ST6GALNAC4: variants seen among roughly 807,000 people sequenced by gnomAD.
ST6GALNAC4 encodes ST6 N-acetylgalactosaminide alpha-2,6-sialyltransferase 4.
ST6GALNAC4 carries 24 observed loss-of-function variants against 30.4 expected under a neutral mutation model. The ratio of observed to expected loss-of-function variants is 0.79; its 90% CI spans 0.57 to 1.11. The LOEUF (loss-of-function observed/expected upper bound fraction) is 1.11. Among genes scored for constraint, ST6GALNAC4 ranks in the 50% most tolerant of loss-of-function variants. The pLI is 0.00. For missense variants in ST6GALNAC4, 365 were observed against 430.1 expected (o/e 0.85, Z 1.34); for synonymous variants, 156 against 179.7 (o/e 0.87, Z 1.05).
Position 127,914,653 on chromosome 9 carries a change from C to T in ST6GALNAC4, c.198+3G>A, listed in dbSNP as rs1485037618. The T allele has an allele frequency of 6.2e-7, 1 of 1,605,970 alleles. No homozygotes were observed. Among genetic ancestry groups the T allele is most frequent in the Non-Finnish European group, 8.5e-7 (1 of 1,176,544 alleles). ...CCCCGGATGCATTGCCTGGCCCACT[C>T]ACCTTCCCATCTGGCACACTGCTAT... is the stretch of plus-strand genomic sequence containing the variant. On this transcript the variant is annotated splice_donor_region_variant and intron_variant, in intron 3 of 5. Transcript: ENST00000335791.
At chr9:127,910,579 C>A in intron 4 of ST6GALNAC4, 2 of 991,308 alleles carry the variant, frequency 2.0e-6, no homozygotes, top group Non-Finnish European at 1.2e-6. Context: ...ACACTGTCAG[C>A]CCAGCCCCTG....
intron 2 of ST6GALNAC4, among the ~76,000 whole-genome samples, chr9:127,915,091 T>C (rs1185889334): frequency 6.6e-6 from 1 of 151,738 alleles, no homozygotes; most frequent in African/African-American, 2.4e-5. Flanking sequence ...TGGAGTGAAG[T>C]GTGTAGTACA....
At position 127,910,820 on chromosome 9, in the gene ST6GALNAC4, A is replaced by C. The variant is rs138331451; in HGVS notation, c.612-762T>G. On this transcript the variant is annotated intron_variant, in intron 4 of 5. Coordinates refer to ENST00000335791, the MANE Select transcript of ST6GALNAC4 (RefSeq NM_175039.4). ...ACATTCCACGGAAGCACCAGATGGG[A>C]AGGGAAGGAGAAAAATAGATAAACA... Among the ~76,000 whole-genome samples, 37 of 152,282 alleles carry C rather than the reference A, an allele frequency of 2.4e-4. 2 individuals are homozygous for C. In the East Asian group the frequency reaches 7.1e-3, roughly 29 times the overall value.
At chr9:127,912,182 A>G in intron 4 of ST6GALNAC4, 86 bp downstream of exon 4, 1 of 1,501,896 alleles carries the variant, frequency 6.7e-7, no homozygotes, top group Non-Finnish European at 8.9e-7. Flanking sequence ...CGGGCCTGAC[A>G]GAGCAGCCCC....
intron 2 of ST6GALNAC4, chr9:127,916,123 C>CTGAA (rs1236540971): frequency 3.7e-6 from 2 of 547,704 alleles, no homozygotes; most frequent in Non-Finnish European, 6.5e-6. Flanking sequence ...AGCGGCTGAA[C>CTGAA]TGAACTTCAC....
chr9:127,911,325 C>T (rs757220907), intron 4 of ST6GALNAC4, among the ~76,000 whole-genome samples: 1 of 151,802 alleles, frequency 6.6e-6, no homozygotes, highest in Non-Finnish European at 1.5e-5. Context: ...CAGAGGCTGA[C>T]TGTTCTATCT....
At chr9:127,909,252 G>A (rs1831013202) in intron 5 of ST6GALNAC4, among the ~76,000 whole-genome samples, 1 of 151,980 alleles carries the variant, frequency 6.6e-6, no homozygotes, top group Non-Finnish European at 1.5e-5. Context: ...AGCTGGGCGT[G>A]GTGGCACGTG....
In ST6GALNAC4 at chr9:127,908,432, C is replaced by A; in HGVS notation, c.869G>T (p.Arg290Met). The A allele has an allele frequency of 6.3e-7, 1 of 1,594,530 alleles. No individual in the cohort carries two copies. The highest frequency in any genetic ancestry group is 8.6e-7 in the Non-Finnish European group (1 of 1,165,612). Reference protein sequence around the residue: ...KAVFSRWAKKRPIVFAHPSWR... With the variant: ...KAVFSRWAKKMPIVFAHPSWR... ...GGACGGATGGGCGAACACGATGGGCCTCTTCTTGGCCCAGCGGGAGAAGAC... is the reference window on the plus strand; with the variant it reads ...GGACGGATGGGCGAACACGATGGGCATCTTCTTGGCCCAGCGGGAGAAGAC... The change falls in exon 6 of 6, where the codon AGG becomes ATG. Residue 290 changes from arginine to methionine, a missense_variant. Physicochemically the swap from Arg to Met is moderately conservative, Grantham distance 91. Transcript: ENST00000335791.
chr9:127,914,962 C>A, intron 2 of ST6GALNAC4, 121 bp from the exon 3 acceptor site: 1 of 905,506 alleles, frequency 1.1e-6, no homozygotes, highest in Non-Finnish European at 1.5e-6. Context: ...GCTCCTAGAA[C>A]AGCAGCAGAA....
At chr9:127,915,047 TATC>T (rs1410401270) in intron 2 of ST6GALNAC4, among the ~76,000 whole-genome samples, 5 of 152,106 alleles carry the variant, frequency 3.3e-5, no homozygotes, top group Admixed American at 2.6e-4. Flanking sequence ...ATAACACTGT[TATC>T]ATCCCCACAT....
At chr9:127,916,181 T>A (rs1385326887) in intron 2 of ST6GALNAC4, 1 of 605,024 alleles carries the variant, frequency 1.7e-6, no homozygotes, top group Non-Finnish European at 2.9e-6. Context: ...TAGCGTTACC[T>A]CCGTTTTACA....
intron 4 of ST6GALNAC4, among the ~76,000 whole-genome samples, chr9:127,911,919 G>A (rs774653628): frequency 2.0e-5 from 3 of 152,198 alleles, no homozygotes; most frequent in African/African-American, 4.8e-5. Context: ...CACCGCACCC[G>A]GCCTCTAACT....
intron 3 of ST6GALNAC4, among the ~76,000 whole-genome samples, chr9:127,913,202 C>T (rs1222284675): frequency 6.6e-6 from 1 of 152,262 alleles, no homozygotes; most frequent in African/African-American, 2.4e-5. Context: ...AGCCTGAATC[C>T]TGGCTCTGCC....
chr9:127,909,178 A>G (rs2131616481), intron 5 of ST6GALNAC4, among the ~76,000 whole-genome samples: 1 of 152,304 alleles, frequency 6.6e-6, no homozygotes, highest in South Asian at 2.1e-4. Flanking sequence ...ACCTGAGGTC[A>G]GGAGTTCCAG....
Position 127,914,683 on chromosome 9 carries a change from A to C in ST6GALNAC4, c.171T>G (p.Ser57Arg), listed in dbSNP as rs755237874. ...RPTVPGPLHF[S>R]GYSSVPDGKP... ...TCCCATCTGGCACACTGCTATATCC[A>C]CTGAAGTGCAGGGGTCCCGGCACAG... Residue 57 changes from serine to arginine, a missense_variant, in exon 3 of 6, where the codon AGT becomes AGG. Physicochemically the swap from Ser to Arg is moderately radical, Grantham distance 110. Transcript: ENST00000335791. The C allele has an allele frequency of 6.2e-7, 1 of 1,612,676 alleles. No individual in the cohort carries two copies. The highest frequency in any genetic ancestry group is 2.2e-5 in the East Asian group (1 of 44,724).
Position 127,912,394 on chromosome 9 carries a change from C to T in ST6GALNAC4, c.485G>A (p.Gly162Asp), listed in dbSNP as rs918928005. 6 of 1,613,972 alleles carry T rather than the reference C, an allele frequency of 3.7e-6. No individual in the cohort carries two copies. In the African/African-American group the frequency reaches 8.0e-5, roughly 22 times the overall value. ...CAGCAGCGTGCGGTAGGTGCGGCCG[C>T]CGAGCACCCGGTCCATGTGCCTGCC... The part of the protein sequence containing the change: ...GQGRHMDRVL[G>D]GRTYRTLLQL... Residue 162 changes from glycine (G) to aspartate (D), a missense_variant, in exon 4 of 6, where the codon GGC becomes GAC. By Grantham distance (94) the Gly-to-Asp change is moderately conservative. Transcript: ENST00000335791.
At chr9:127,916,685 T>G in intron 1 of ST6GALNAC4, 141 bp downstream of exon 1, 1 of 571,182 alleles carries the variant, frequency 1.8e-6, no homozygotes, top group Admixed American at 3.1e-5. Flanking sequence ...CAGCGACGTT[T>G]GCGAGACCTC....
chr9:127,913,304 G>C (rs556955203), intron 3 of ST6GALNAC4, among the ~76,000 whole-genome samples: 2 of 152,382 alleles, frequency 1.3e-5, no homozygotes, highest in South Asian at 4.1e-4. Context: ...CAACATCTGG[G>C]CCGGGAGCGG....
chr9:127,910,090 T>C, intron 4 of ST6GALNAC4, 32 bp from the exon 5 acceptor site: 1 of 1,607,500 alleles, frequency 6.2e-7, no homozygotes, highest in Non-Finnish European at 8.5e-7. Context: ...GGGGACGCTG[T>C]CAACAAGAGG....
Sources: gnomAD v4.1 joint callset for allele counts (sites outside exome capture counted in the v4.1 genomes callset) on GRCh38, gnomAD v4.1.1 for gene constraint, MANE v1.5 for transcripts, NCBI Gene and HGNC (gene_info 2026-07-23, HGNC 2026-07-21) for gene names.